Variants in HDAC4 observed in about 807,000 individuals in gnomAD.
HDAC4 encodes the protein histone deacetylase 4, also known as histone deacetylase A.
A neutral mutation model predicts 135.1 loss-of-function variants in HDAC4; 16 were observed. The observed-to-expected ratio is 0.12, with a 90% confidence interval of 0.08 to 0.18. The LOEUF is 0.18. HDAC4 is among the 10% of genes least tolerant of loss of function. The probability of loss-of-function intolerance (pLI) is 1.00; values close to 1 mark genes in which losing one functional copy is unlikely to be tolerated. For missense variants in HDAC4, 1,143 were observed against 1,511.8 expected (o/e 0.76, Z 4.05); for synonymous variants, 685 against 653.4 (o/e 1.05, Z -0.74).
In HDAC4 at chr2:239,297,548, G is replaced by A. The variant is rs1016305973; in HGVS notation, c.22+55130C>T. ...CTACTGTGGAGCGGTGCTGTGCTGC[G>A]GTTTCCTTAACGGAGGGAATCCAAA... is the stretch of plus-strand genomic sequence containing the variant. On this transcript the variant is annotated intron_variant, in intron 2 of 26. Transcript: ENST00000543185. 8.5e-5 allele frequency among the ~76,000 whole-genome samples: 13 copies of A among 152,316 alleles called. No homozygotes were observed. In the Middle Eastern group the frequency reaches 0.01, roughly 120 times the overall value.
chr2:239,325,656 T>G (rs2053447956), intron 2 of HDAC4, among the ~76,000 whole-genome samples: 1 of 152,218 alleles, frequency 6.6e-6, no homozygotes, highest in Non-Finnish European at 1.5e-5. Context: ...GAAAACACTT[T>G]GGTGGTTTCT....
chr2:239,149,127 C>A (rs966771488), intron 7 of HDAC4, among the ~76,000 whole-genome samples: 9 of 152,210 alleles, frequency 5.9e-5, no homozygotes, highest in Admixed American at 2.0e-4. Flanking sequence ...TCTGGCCGGG[C>A]ATGGAGGCTC....
At chr2:239,131,033 G>A (rs756829822) in intron 11 of HDAC4, among the ~76,000 whole-genome samples, 2 of 152,208 alleles carry the variant, frequency 1.3e-5, no homozygotes, top group African/African-American at 2.4e-5. Context: ...ACTAATCTCC[G>A]AGGATGTACC....
At chr2:239,166,624 G>A (rs766834516) in intron 5 of HDAC4, among the ~76,000 whole-genome samples, 22 of 152,168 alleles carry the variant, frequency 1.4e-4, no homozygotes, top group African/African-American at 2.9e-4. Flanking sequence ...GAAACCATTC[G>A]CTTCTACCAT....
chr2:239,190,156 C>A (rs1575351380), intron 3 of HDAC4, 79 bp from the exon 4 acceptor site: 5 of 1,480,760 alleles, frequency 3.4e-6, no homozygotes, highest in East Asian at 2.5e-5. Context: ...ACCCAACACA[C>A]TGGCCACCTT....
intron 7 of HDAC4, among the ~76,000 whole-genome samples, chr2:239,149,741 G>A (rs1047083196): frequency 6.6e-6 from 1 of 152,194 alleles, no homozygotes; most frequent in African/African-American, 2.4e-5. Context: ...ACACAGCCAT[G>A]CCCGCCCTTG....
In HDAC4 at chr2:239,231,157, G is replaced by A. The variant is rs553979840; in HGVS notation, c.94+5436C>T. Among the ~76,000 whole-genome samples, 5 of 152,240 alleles carry A rather than the reference G, an allele frequency of 3.3e-5. No individual in the cohort carries two copies. In the South Asian group the frequency reaches 1.0e-3, roughly 32 times the overall value. ...TGCTTTTGAAACATAACCTTAAAAAGAGCCTCCCTAACTCTGACAGATACA... is the reference window on the plus strand; with the variant it reads ...TGCTTTTGAAACATAACCTTAAAAAAAGCCTCCCTAACTCTGACAGATACA... On this transcript the variant is annotated intron_variant, in intron 3 of 26. Transcript: ENST00000543185.
chr2:239,073,278 C>T (rs1005695185), intron 22 of HDAC4, among the ~76,000 whole-genome samples: 6 of 152,210 alleles, frequency 3.9e-5, no homozygotes. Context: ...TCTGCGGCAG[C>T]TGTAGAAAGT....
intron 2 of HDAC4, among the ~76,000 whole-genome samples, chr2:239,286,023 C>CT (rs1312696464): frequency 6.6e-6 from 1 of 152,126 alleles, no homozygotes; most frequent in Admixed American, 6.5e-5. Flanking sequence ...GCAAACACAT[C>CT]AAAAGACAGT....
intron 2 of HDAC4, among the ~76,000 whole-genome samples, chr2:239,328,620 C>G (rs778148303): frequency 1.3e-5 from 2 of 152,208 alleles, no homozygotes; most frequent in African/African-American, 2.4e-5. Context: ...AAAAGAAACA[C>G]CAAACATTTC....
At chr2:239,377,288 C>T (rs889154364) in intron 1 of HDAC4, among the ~76,000 whole-genome samples, 6 of 152,336 alleles carry the variant, frequency 3.9e-5, no homozygotes, top group South Asian at 4.1e-4. Flanking sequence ...ACTGCCAGGG[C>T]GCTGTCCACA....
At chr2:239,143,412 A>C (rs1323489734) in intron 8 of HDAC4, among the ~76,000 whole-genome samples, 1 of 152,242 alleles carries the variant, frequency 6.6e-6, no homozygotes, top group Non-Finnish European at 1.5e-5. Flanking sequence ...CCAGTCAGCT[A>C]GACTTAGTGA....
At chr2:239,098,578 C>G (rs1002302805) in intron 16 of HDAC4, among the ~76,000 whole-genome samples, 1 of 152,250 alleles carries the variant, frequency 6.6e-6, no homozygotes, top group African/African-American at 2.4e-5. Flanking sequence ...CCTAGGGCAG[C>G]GGCCAGCCTG....
At chr2:239,055,246 C>A in intron 24 of HDAC4, 1 of 265,690 alleles carries the variant, frequency 3.8e-6, no homozygotes, top group Non-Finnish European at 7.4e-6. Context: ...TGGTTTTCTT[C>A]CAGGGCAGCG....
intron 12 of HDAC4, among the ~76,000 whole-genome samples, chr2:239,120,224 T>C (rs2152827226): frequency 6.6e-6 from 1 of 152,020 alleles, no homozygotes; most frequent in South Asian, 2.1e-4. Flanking sequence ...GCAGGTGGAA[T>C]AAAGTCAAAG....
At chr2:239,219,018 C>G (rs860023) in intron 3 of HDAC4, among the ~76,000 whole-genome samples, 102,602 of 114,980 alleles carry the variant, frequency 0.89, 46,141 homozygotes, top group South Asian at 0.95. Flanking sequence ...TACACTGTTG[C>G]TGGGACTGTA....
rs1012738160 is a variant in HDAC4, at chr2:239,048,207, A to G, written c.*4890T>C. 2 of 152,310 alleles carry G rather than the reference A, an allele frequency of 1.3e-5. No individual in the cohort carries two copies. The highest frequency in any genetic ancestry group is 4.8e-5 in the African/African-American group (2 of 41,474). The allele number at this position is 152,310 out of a possible 1,614,324, so 9.4% of individuals were successfully genotyped here. ...ACGCAGTCTTTATTTACACCACAAG[A>G]TAACACGTTGCGTGATGTGGTACAG... is the stretch of plus-strand genomic sequence containing the variant. On this transcript the variant is annotated 3_prime_UTR_variant, in exon 27 of 27. Coordinates refer to ENST00000543185, the MANE Select transcript of HDAC4 (RefSeq NM_001378414.1).
At chr2:239,381,740 T>C (rs535811267) in intron 1 of HDAC4, among the ~76,000 whole-genome samples, 6 of 152,330 alleles carry the variant, frequency 3.9e-5, no homozygotes, top group African/African-American at 1.4e-4. Context: ...TGCTGTAGAA[T>C]GTTCAGTGGC....
In HDAC4 at chr2:239,250,697, G is replaced by A. The variant is rs377353196; in HGVS notation, c.23-14033C>T. 1.2e-4 allele frequency among the ~76,000 whole-genome samples: 19 copies of A among 152,358 alleles called. No homozygotes were observed. The South Asian group carries it at 3.7e-3, about 30-fold the overall frequency. On this transcript the variant is annotated intron_variant, in intron 2 of 26. Transcript: ENST00000543185. ...TGGCCTCTCCAAGGAGAAGGGGCCAGAAGAGGCACTTCCTCCCTGGGACCT... is the reference window on the plus strand; with the variant it reads ...TGGCCTCTCCAAGGAGAAGGGGCCAAAAGAGGCACTTCCTCCCTGGGACCT...
Sources: allele counts gnomAD v4.1 joint callset (sites outside exome capture counted in the v4.1 genomes callset), GRCh38; gene constraint gnomAD v4.1.1; transcripts MANE v1.5; gene names NCBI Gene and HGNC (gene_info 2026-07-23, HGNC 2026-07-21).